Variants in GALNT18 observed in about 807,000 individuals in gnomAD.
GALNT18 encodes the protein polypeptide N-acetylgalactosaminyltransferase 18, also known as GalNAc-transferase 18.
Under a neutral mutation model 69.5 loss-of-function variants are expected in GALNT18, and 44 were observed. The ratio of observed to expected loss-of-function variants is 0.63; its 90% CI spans 0.50 to 0.81. GALNT18 has a LOEUF of 0.81. Among genes scored for constraint, GALNT18 ranks in the 40% least tolerant of loss-of-function variants. The pLI, the probability that GALNT18 is intolerant of heterozygous loss-of-function variation, is 0.00. For synonymous variants in GALNT18, 364 were observed against 318.2 expected, an observed-to-expected ratio of 1.14 and a Z score of -1.53; for missense variants, 715 against 810.0, an observed-to-expected ratio of 0.88 and a Z score of 1.42.
At chr11:11,457,315 G>T (rs1173887734) in intron 1 of GALNT18, among the ~76,000 whole-genome samples, 1 of 152,234 alleles carries the variant, frequency 6.6e-6, no homozygotes, top group East Asian at 1.9e-4. Context: ...GATCCCTGCA[G>T]ATCCCCTTCT....
intron 6 of GALNT18, among the ~76,000 whole-genome samples, chr11:11,357,451 G>A (rs981480774): frequency 6.6e-6 from 1 of 151,952 alleles, no homozygotes; most frequent in South Asian, 2.1e-4. Flanking sequence ...TAAACTCTCC[G>A]CCTTCCATCA....
At position 11,505,308 on chromosome 11, in the gene GALNT18, C is replaced by T. The variant is rs767285819; in HGVS notation, c.236-56372G>A. Among the ~76,000 whole-genome samples, 2 of 152,174 alleles carry T rather than the reference C, an allele frequency of 1.3e-5. No homozygotes were observed. The highest frequency in any genetic ancestry group is 2.9e-5 in the Non-Finnish European group (2 of 68,030). On this transcript the variant is annotated intron_variant, in intron 1 of 10. Coordinates refer to ENST00000227756, the MANE Select transcript of GALNT18 (RefSeq NM_198516.3). The surrounding 1 kb of genome is among the most constrained non-coding windows in gnomAD (Gnocchi z 4.6). ...TATGAATATCAACCTTAAGTAAAAA[C>T]AAGAAGACAGGAAAGGACAGACCAC...
Position 11,320,545 on chromosome 11 carries a change from TCCACAGTCTCCTTCTG to T in GALNT18, c.1512+6525_1512+6540del, listed in dbSNP as rs1371481408. 6.6e-6 allele frequency among the ~76,000 whole-genome samples: 1 copy of T among 152,200 alleles called. No homozygotes were observed. Among genetic ancestry groups the T allele is most frequent in the Non-Finnish European group, 1.5e-5 (1 of 68,018 alleles). On this transcript the variant is annotated intron_variant, in intron 9 of 10. Transcript: ENST00000227756. The surrounding 1 kb of genome is among the most constrained non-coding windows in gnomAD (Gnocchi z 4.9). Reference sequence around the variant, plus strand: ...AGAGGATCTTTGGGGTCCTCACCTGTCCACAGTCTCCTTCTGAGATGTACCCTGACTTCATTCTCAG... The same window carrying T: ...AGAGGATCTTTGGGGTCCTCACCTGTAGATGTACCCTGACTTCATTCTCAG...
At chr11:11,438,045 T>A (rs1328887175) in intron 2 of GALNT18, among the ~76,000 whole-genome samples, 2 of 152,194 alleles carry the variant, frequency 1.3e-5, no homozygotes, top group Non-Finnish European at 2.9e-5. Context: ...ACTAACCCCC[T>A]GGGACATACA....
intron 1 of GALNT18, among the ~76,000 whole-genome samples, chr11:11,486,233 G>A (rs9888252): frequency 0.24 from 36,017 of 152,214 alleles, 5,345 homozygotes; most frequent in Non-Finnish European, 0.33. Flanking sequence ...CGCCCTACTT[G>A]CCTTCTTCCC....
At chr11:11,431,908 T>C (rs1855272791) in intron 3 of GALNT18, among the ~76,000 whole-genome samples, 1 of 152,164 alleles carries the variant, frequency 6.6e-6, no homozygotes, top group Non-Finnish European at 1.5e-5. Context: ...CAAAATGTGG[T>C]CTTTCAGTCT....
chr11:11,337,567 G>A lies in GALNT18; in HGVS notation c.1278+3252C>T, dbSNP rs1850134480. Among the ~76,000 whole-genome samples the A allele has an allele frequency of 2.0e-5, 3 of 152,194 alleles. No individual in the cohort carries two copies. Among genetic ancestry groups the A allele is most frequent in the Admixed American group, 2.0e-4 (3 of 15,280 alleles). ...TAACAGAACACTCTTTCACAGGCTG[G>A]TCATGCAATGACAGAGAGATATTTA... On this transcript the variant is annotated intron_variant, in intron 7 of 10. Transcript: ENST00000227756. This position sits in a 1 kb window ranked among gnomAD's most constrained non-coding sequence, Gnocchi z 4.9.
intron 9 of GALNT18, among the ~76,000 whole-genome samples, chr11:11,296,716 T>C (rs989413568): frequency 6.6e-6 from 1 of 152,206 alleles, no homozygotes; most frequent in Non-Finnish European, 1.5e-5. Context: ...TCATCAGAGC[T>C]GTTTATTGCT....
At chr11:11,283,453 C>T (rs1242965033) in intron 10 of GALNT18, among the ~76,000 whole-genome samples, 1 of 152,176 alleles carries the variant, frequency 6.6e-6, no homozygotes, top group Non-Finnish European at 1.5e-5. Flanking sequence ...ATCTGAATGA[C>T]AGGGCCAGCC....
In GALNT18 at chr11:11,315,967, T is replaced by G. The variant is rs985739525; in HGVS notation, c.1512+11119A>C. Among the ~76,000 whole-genome samples the G allele has an allele frequency of 1.3e-5, 2 of 151,766 alleles. No homozygotes were observed. Among genetic ancestry groups the G allele is most frequent in the African/African-American group, 2.4e-5 (1 of 41,312 alleles). On this transcript the variant is annotated intron_variant, in intron 9 of 10. Transcript: ENST00000227756. This position sits in a 1 kb window ranked among gnomAD's most constrained non-coding sequence, Gnocchi z 5.6. Reference sequence around the variant, plus strand: ...CAGGGCCAGTCCCCGCATCACTCTGTACTGACATGAATGGTGGCCCCTGGA... The same window carrying G: ...CAGGGCCAGTCCCCGCATCACTCTGGACTGACATGAATGGTGGCCCCTGGA...
At chr11:11,559,168 T>A (rs1858402927) in intron 1 of GALNT18, among the ~76,000 whole-genome samples, 1 of 152,242 alleles carries the variant, frequency 6.6e-6, no homozygotes, top group Non-Finnish European at 1.5e-5. Context: ...AGTGCCAGTA[T>A]GGAGATTTGC....
At chr11:11,334,543 C>CA (rs5789679) in intron 7 of GALNT18, among the ~76,000 whole-genome samples, 64,113 of 138,808 alleles carry the variant, frequency 0.46, 15,421 homozygotes, top group Non-Finnish European at 0.57. Flanking sequence ...ACTCCGTCTC[C>CA]AAAAAAAAAA....
In GALNT18 at chr11:11,469,107, A is replaced by G. The variant is rs1856218223; in HGVS notation, c.236-20171T>C. On this transcript the variant is annotated intron_variant, in intron 1 of 10. Transcript: ENST00000227756. This position sits in a 1 kb window ranked among gnomAD's most constrained non-coding sequence, Gnocchi z 4.2. ...GGACACAGCACTCTTTAACCACGTC[A>G]CTGTGAATCAGCCAGCTCTGATGAT... Among the ~76,000 whole-genome samples, 1 of 152,194 alleles carries G rather than the reference A, an allele frequency of 6.6e-6. No homozygotes were observed.
chr11:11,294,683 T>A (rs1302227354), intron 9 of GALNT18, among the ~76,000 whole-genome samples: 3 of 151,708 alleles, frequency 2.0e-5, no homozygotes, highest in Non-Finnish European at 4.4e-5. Flanking sequence ...GAGTCTCCCA[T>A]GGGCTGTAGT....
Position 11,393,604 on chromosome 11 carries a change from G to A in GALNT18, c.596-14340C>T, listed in dbSNP as rs146271044. 1.2e-4 allele frequency among the ~76,000 whole-genome samples: 19 copies of A among 152,282 alleles called. No individual in the cohort carries two copies. In the East Asian group the frequency reaches 1.9e-3, roughly 15 times the overall value. ...TTAAAGCCACCAAAGGCAGAGACCC[G>A]TGTCCCTGAGATGCTATCAGAATGC... is the stretch of plus-strand genomic sequence containing the variant. On this transcript the variant is annotated intron_variant, in intron 3 of 10. Coordinates refer to ENST00000227756, the MANE Select transcript of GALNT18 (RefSeq NM_198516.3).
chr11:11,441,425 C>T (rs1855529385), intron 2 of GALNT18, among the ~76,000 whole-genome samples: 1 of 152,168 alleles, frequency 6.6e-6, no homozygotes, highest in South Asian at 2.1e-4. Context: ...GAGGCAAGAT[C>T]CCAAACTAGG....
At chr11:11,567,682 AG>A (rs1466570278) in intron 1 of GALNT18, among the ~76,000 whole-genome samples, 8 of 152,134 alleles carry the variant, frequency 5.3e-5, no homozygotes, top group Non-Finnish European at 1.2e-4. Flanking sequence ...CCTCTTATGG[AG>A]GAGAAAAATG....
chr11:11,468,025 A>G (rs1039414663), intron 1 of GALNT18, among the ~76,000 whole-genome samples: 1 of 152,220 alleles, frequency 6.6e-6, no homozygotes. Flanking sequence ...TAATCAGCAG[A>G]ACTTCAGGTC....
chr11:11,464,919 C>A (rs1414113665), intron 1 of GALNT18, among the ~76,000 whole-genome samples: 1 of 152,170 alleles, frequency 6.6e-6, no homozygotes, highest in East Asian at 1.9e-4. Context: ...ATTCTATGGG[C>A]AACATAAACA....
Sources: gnomAD v4.1 joint callset for allele counts (sites outside exome capture counted in the v4.1 genomes callset) on GRCh38, gnomAD v4.1.1 for gene constraint, Gnocchi (gnomAD v3.1) non-coding constraint, MANE v1.5 for transcripts, NCBI Gene and HGNC (gene_info 2026-07-23, HGNC 2026-07-21) for gene names.